Variants in USP10 observed in about 807,000 individuals in gnomAD.
The protein encoded by USP10 is ubiquitin carboxyl-terminal hydrolase 10.
A neutral mutation model predicts 84.5 loss-of-function variants in USP10; 22 were observed. That is an observed-to-expected ratio of 0.26 (90% CI 0.19 to 0.37). The LOEUF (loss-of-function observed/expected upper bound fraction) is 0.37, where lower values mean the gene tolerates loss of function less well. Among genes scored for constraint, USP10 ranks in the 10% least tolerant of loss-of-function variants. The pLI is 1.00. For synonymous variants in USP10, 454 were observed against 387.6 expected (o/e 1.17, Z -2.01); for missense variants, 1,019 against 998.9 (o/e 1.02, Z -0.27).
intron 4 of USP10, among the ~76,000 whole-genome samples, chr16:84,747,176 C>G (rs1911328712): frequency 6.6e-6 from 1 of 152,186 alleles, no homozygotes; most frequent in African/African-American, 2.4e-5. Flanking sequence ...TTGGATTCCA[C>G]CAAGCCTGGT....
intron 9 of USP10, among the ~76,000 whole-genome samples, chr16:84,763,845 G>C (rs1913499908): frequency 6.6e-6 from 1 of 151,642 alleles, no homozygotes; most frequent in African/African-American, 2.4e-5. Context: ...GGGATTGGTT[G>C]CCATGGATCC....
intron 3 of USP10, among the ~76,000 whole-genome samples, chr16:84,744,074 C>T (rs1321510734): frequency 6.7e-6 from 1 of 148,962 alleles, no homozygotes; most frequent in Non-Finnish European, 1.5e-5. Context: ...GTTGTTGAAT[C>T]TTTTTTTGAC....
intron 1 of USP10, chr16:84,705,000 A>G (rs1905291192): frequency 3.2e-6 from 4 of 1,246,818 alleles, no homozygotes; most frequent in Non-Finnish European, 4.5e-6. Flanking sequence ...TCTGCGCTGT[A>G]ATGGTGGCTG....
chr16:84,760,393 G>GTCTT (rs2150850275), intron 8 of USP10, 118 bp downstream of exon 8: 1 of 824,188 alleles, frequency 1.2e-6, no homozygotes, highest in African/African-American at 1.7e-5. Flanking sequence ...GTAGATGTAG[G>GTCTT]TTTATAAGAG....
chr16:84,737,864 GTCCAGCCTTTCCAGCCTCTCCACCCT>G (rs1316051973), intron 2 of USP10, among the ~76,000 whole-genome samples: 11 of 152,178 alleles, frequency 7.2e-5, no homozygotes, highest in African/African-American at 2.7e-4. Context: ...GGTGTCACTG[GTCCAGCCTTTCCAGCCTCTCCACCCT>G]CAGTCAGCGC....
rs190020673 is a variant in USP10, at chr16:84,717,924, T to C, written c.22-15511T>C. The stretch of plus-strand genomic sequence containing the variant: ...ACATTTTGATATTTTGTTGAGATGG[T>C]CCCAGAAATTTGGGATTCGTGATCA... On this transcript the variant is annotated intron_variant, in intron 1 of 13. Coordinates refer to ENST00000219473, the MANE Select transcript of USP10 (RefSeq NM_005153.3). Among the ~76,000 whole-genome samples the C allele has an allele frequency of 2.0e-3, 298 of 152,312 alleles. 2 individuals carry two copies. Among genetic ancestry groups the C allele is most frequent in the African/African-American group, 6.5e-3 (272 of 41,562 alleles).
At chr16:84,731,341 A>AC (rs1231525470) in intron 1 of USP10, among the ~76,000 whole-genome samples, 1 of 151,728 alleles carries the variant, frequency 6.6e-6, no homozygotes, top group African/African-American at 2.4e-5. Flanking sequence ...GGCAATGTGC[A>AC]CAGAGTAGCC....
intron 1 of USP10, among the ~76,000 whole-genome samples, chr16:84,724,408 T>G (rs1908191268): frequency 1.3e-5 from 2 of 152,204 alleles, no homozygotes; most frequent in African/African-American, 2.4e-5. Context: ...TGATTACTTT[T>G]TGATAGCACT....
At chr16:84,706,498 A>C (rs1488895101) in intron 1 of USP10, among the ~76,000 whole-genome samples, 3 of 147,508 alleles carry the variant, frequency 2.0e-5, no homozygotes, top group African/African-American at 7.4e-5. Flanking sequence ...TTATTTGTAT[A>C]TGTATTTATA....
At chr16:84,701,937 CTTTT>C (rs575487855) in intron 1 of USP10, among the ~76,000 whole-genome samples, 1 of 124,584 alleles carries the variant, frequency 8.0e-6, no homozygotes, top group Non-Finnish European at 1.6e-5. Flanking sequence ...TTTTCTTCTT[CTTTT>C]TTTTTTTTTT....
At chr16:84,765,959 A>G (rs1913810308) in intron 10 of USP10, among the ~76,000 whole-genome samples, 1 of 152,248 alleles carries the variant, frequency 6.6e-6, no homozygotes, top group South Asian at 2.1e-4. Context: ...TTACCCATCG[A>G]AAGTACTGAA....
intron 6 of USP10, 38 bp from the exon 7 acceptor site, chr16:84,759,853 T>C: frequency 6.3e-7 from 1 of 1,599,674 alleles, no homozygotes; most frequent in African/African-American, 1.3e-5. Context: ...ATATATTGTT[T>C]AAAACTGCAC....
At chr16:84,743,767 A>G (rs761323188) in intron 3 of USP10, among the ~76,000 whole-genome samples, 1 of 152,360 alleles carries the variant, frequency 6.6e-6, no homozygotes, top group East Asian at 1.9e-4. Context: ...CGTCTGTCTT[A>G]GCAGGAATGA....
At chr16:84,774,617 C>T (rs868756624) in intron 12 of USP10, among the ~76,000 whole-genome samples, 19 of 152,018 alleles carry the variant, frequency 1.2e-4, no homozygotes, top group African/African-American at 3.4e-4. Context: ...ACTACAGCCG[C>T]GTGCCACCAC....
intron 2 of USP10, among the ~76,000 whole-genome samples, chr16:84,737,262 G>A (rs1477412161): frequency 6.6e-6 from 1 of 152,226 alleles, no homozygotes; most frequent in Non-Finnish European, 1.5e-5. Context: ...CACACTGTGC[G>A]TTTAGCATAA....
At chr16:84,727,503 G>A (rs1320601385) in intron 1 of USP10, among the ~76,000 whole-genome samples, 1 of 152,050 alleles carries the variant, frequency 6.6e-6, no homozygotes, top group Non-Finnish European at 1.5e-5. Context: ...CTCTTTATTT[G>A]CAAATAGTTT....
chr16:84,712,473 C>T (rs1354578917), intron 1 of USP10, among the ~76,000 whole-genome samples: 7 of 152,156 alleles, frequency 4.6e-5, no homozygotes, highest in African/African-American at 4.8e-5. Context: ...TCTGTTGGAT[C>T]GGTTAATTGG....
Position 84,772,614 on chromosome 16 carries a change from A to T in USP10, c.2072A>T (p.Tyr691Phe). 6.2e-7 allele frequency: 1 copy of T among 1,614,062 alleles called. No homozygotes were observed. Among genetic ancestry groups the T allele is most frequent in the Non-Finnish European group, 8.5e-7 (1 of 1,179,892 alleles). The change falls in exon 12 of 14, where the codon TAT (tyrosine) becomes TTT (phenylalanine). Residue 691 changes from tyrosine (Y) to phenylalanine (F), a missense_variant. This residue lies in a region of USP10 where 232 missense variants were observed against 290.1 expected (regional missense o/e 0.80). Coordinates refer to ENST00000219473, the MANE Select transcript of USP10 (RefSeq NM_005153.3). ...VLVLHLKRFV[Y>F]EKTGGCQKLI... is the part of the protein sequence containing the mutation. ...GTGCTGCACCTGAAACGATTCGTTT[A>T]TGAGAAGACTGGTGGGTGCCAGAAG...
intron 4 of USP10, among the ~76,000 whole-genome samples, chr16:84,750,134 A>T (rs1035662721): frequency 1.3e-5 from 2 of 152,172 alleles, no homozygotes; most frequent in East Asian, 3.9e-4. Context: ...ACAGCCCGGC[A>T]CAGTGGCTCA....
Sources: allele counts gnomAD v4.1 joint callset (sites outside exome capture counted in the v4.1 genomes callset), GRCh38; gene constraint gnomAD v4.1.1; regional missense constraint gnomAD v4.1.1; transcripts MANE v1.5; gene names NCBI Gene and HGNC (gene_info 2026-07-23, HGNC 2026-07-21).